DISC1: variants seen among roughly 807,000 people sequenced by gnomAD.
DISC1 encodes DISC1 scaffold protein, also known as disrupted in schizophrenia 1 protein.
In DISC1, 57 loss-of-function variants were observed where a neutral mutation model predicts 84.5. That is an observed-to-expected ratio of 0.67 (90% confidence interval 0.55 to 0.84). The LOEUF is 0.84. Among genes scored for constraint, DISC1 ranks in the 40% least tolerant of loss-of-function variants. The pLI is 0.00. For synonymous variants in DISC1, 411 were observed against 415.2 expected (o/e 0.99, Z 0.12); for missense variants, 1,000 against 1,057.8 (o/e 0.95, Z 0.76).
intron 1 of DISC1, among the ~76,000 whole-genome samples, chr1:231,639,961 G>T (rs1238765225): frequency 6.6e-6 from 1 of 152,184 alleles, no homozygotes; most frequent in Non-Finnish European, 1.5e-5. Flanking sequence ...AATCACATTA[G>T]TGTTTCTACA....
At chr1:231,662,439 T>C (rs2061638331) in intron 1 of DISC1, among the ~76,000 whole-genome samples, 1 of 152,192 alleles carries the variant, frequency 6.6e-6, no homozygotes, top group Non-Finnish European at 1.5e-5. Flanking sequence ...AATAGAACCC[T>C]TGTTGGCGTG....
At chr1:231,959,191 C>A in intron 10 of DISC1, 1 of 1,044,676 alleles carries the variant, frequency 9.6e-7, no homozygotes, top group Non-Finnish European at 1.1e-6. Context: ...ATTCCTTAGT[C>A]TGTTTTTCCC....
chr1:231,834,924 A>G (rs1012466411), intron 9 of DISC1, among the ~76,000 whole-genome samples: 2 of 152,244 alleles, frequency 1.3e-5, no homozygotes, highest in African/African-American at 2.4e-5. Context: ...GTCCGTGAAC[A>G]GCGCCAGAGT....
At chr1:231,906,019 CTTTTTTTTTTT>C (rs5781677) in intron 9 of DISC1, among the ~76,000 whole-genome samples, 1 of 76,972 alleles carries the variant, frequency 1.3e-5, no homozygotes, top group Admixed American at 1.7e-4. Context: ...GAGGTCATGG[CTTTTTTTTTTT>C]TTTTTTTTTT....
chr1:231,929,989 G>T (rs1449185523), intron 9 of DISC1, among the ~76,000 whole-genome samples: 1 of 152,116 alleles, frequency 6.6e-6, no homozygotes, highest in Non-Finnish European at 1.5e-5. Context: ...GCTGCAGGTA[G>T]CGTGGGATTG....
chr1:231,948,932 C>T (rs1294354854), intron 9 of DISC1, among the ~76,000 whole-genome samples: 2 of 136,780 alleles, frequency 1.5e-5, no homozygotes, highest in African/African-American at 5.6e-5. Flanking sequence ...TGCAGTGGTG[C>T]GATCTCGGCT....
intron 3 of DISC1, among the ~76,000 whole-genome samples, chr1:231,733,634 C>T (rs934611036): frequency 2.8e-5 from 4 of 141,206 alleles, no homozygotes; most frequent in Non-Finnish European, 4.6e-5. Context: ...GTGGTTGTGG[C>T]AGTGCTGGTG....
chr1:232,026,762 C>CT (rs545455868), intron 12 of DISC1, among the ~76,000 whole-genome samples: 7,301 of 110,696 alleles, frequency 0.066, 297 homozygotes, highest in Non-Finnish European at 0.086. Context: ...TTTCTTTTTT[C>CT]TTTTTTTTTT....
At chr1:231,643,406 C>CT (rs1379148269) in intron 1 of DISC1, among the ~76,000 whole-genome samples, 3 of 152,166 alleles carry the variant, frequency 2.0e-5, no homozygotes, top group Admixed American at 6.5e-5. Flanking sequence ...GGCTTGGGGA[C>CT]TGGGCACACA....
chr1:231,937,271 C>T (rs1292099398), intron 9 of DISC1, among the ~76,000 whole-genome samples: 1 of 152,232 alleles, frequency 6.6e-6, no homozygotes, highest in African/African-American at 2.4e-5. Context: ...CCTAGCTCCT[C>T]CTAAATATCT....
chr1:232,010,961 G>A (rs971768891), intron 11 of DISC1, among the ~76,000 whole-genome samples: 3 of 152,138 alleles, frequency 2.0e-5, no homozygotes, highest in Non-Finnish European at 4.4e-5. Context: ...AGGAAAGAAT[G>A]GCTGCAGAAG....
intron 11 of DISC1, among the ~76,000 whole-genome samples, chr1:232,020,600 G>A (rs1013870901): frequency 3.3e-5 from 5 of 152,120 alleles, no homozygotes; most frequent in African/African-American, 1.2e-4. Flanking sequence ...TTCTCTTGCA[G>A]TTATAACCCA....
chr1:231,885,242 T>C (rs1372477921), intron 9 of DISC1, among the ~76,000 whole-genome samples: 1 of 152,206 alleles, frequency 6.6e-6, no homozygotes, highest in African/African-American at 2.4e-5. Context: ...CTGCTAGGGC[T>C]AAAGGAAAAT....
intron 1 of DISC1, among the ~76,000 whole-genome samples, chr1:231,683,976 C>G (rs1458185318): frequency 6.6e-6 from 1 of 152,116 alleles, no homozygotes; most frequent in African/African-American, 2.4e-5. Flanking sequence ...ACCTCACCCT[C>G]CTTTTTGGCT....
At chr1:232,004,627 G>T in intron 10 of DISC1, among the ~76,000 whole-genome samples, 1 of 152,050 alleles carries the variant, frequency 6.6e-6, no homozygotes, top group Middle Eastern at 3.2e-3. Context: ...AAGCAAATAG[G>T]CAATGAATAT....
intron 1 of DISC1, among the ~76,000 whole-genome samples, chr1:231,684,468 A>C (rs553823148): frequency 6.6e-6 from 1 of 152,208 alleles, no homozygotes; most frequent in Admixed American, 6.5e-5. Context: ...CCCTTGAATT[A>C]CTATATAATT....
At chr1:231,750,118 T>C (rs1456012538) in intron 4 of DISC1, 42 bp downstream of exon 4, 1 of 1,595,126 alleles carries the variant, frequency 6.3e-7, no homozygotes, top group Non-Finnish European at 8.5e-7. Context: ...TCATGTTTCT[T>C]CCTACCTCTC....
chr1:231,941,164 C>T (rs1203285650), intron 9 of DISC1: 1 of 152,188 alleles, frequency 6.6e-6, no homozygotes, highest in Non-Finnish European at 1.5e-5. Flanking sequence ...CTACATTGGG[C>T]TGCTCTGCAT....
intron 3 of DISC1, chr1:231,722,881 C>G: frequency 7.3e-7 from 1 of 1,374,666 alleles, no homozygotes; most frequent in Non-Finnish European, 9.4e-7. Flanking sequence ...CATGAAAAAA[C>G]CGCTATTGTT....
Sources: allele counts gnomAD v4.1 joint callset (sites outside exome capture counted in the v4.1 genomes callset), GRCh38; gene constraint gnomAD v4.1.1; transcripts MANE v1.5; gene names NCBI Gene and HGNC (gene_info 2026-07-23, HGNC 2026-07-21).